Variants in EPHB4 observed in about 807,000 individuals in gnomAD.
The protein encoded by EPHB4 is EPH receptor B4.
EPHB4 carries 50 observed loss-of-function variants against 110.6 expected under a neutral mutation model. The ratio of observed to expected loss-of-function variants is 0.45; its 90% CI spans 0.36 to 0.57. The LOEUF (loss-of-function observed/expected upper bound fraction) is 0.57, where lower values mean the gene tolerates loss of function less well. Ranked by LOEUF, EPHB4 falls within the 20% of genes least tolerant of loss-of-function variation. EPHB4 has a pLI of 0.00. For missense variants in EPHB4, 1,128 were observed against 1,382.1 expected (o/e 0.82, Z 2.91); for synonymous variants, 592 against 578.4 (o/e 1.02, Z -0.34).
intron 12 of EPHB4, among the ~76,000 whole-genome samples, chr7:100,809,311 T>C (rs1204714350): frequency 6.6e-6 from 1 of 152,096 alleles, no homozygotes; most frequent in Non-Finnish European, 1.5e-5. Flanking sequence ...TTCACCATGT[T>C]GGCCAGGCTG....
intron 1 of EPHB4, 191 bp from the exon 2 acceptor site, chr7:100,824,464 A>C: frequency 1.7e-6 from 1 of 591,412 alleles, no homozygotes; most frequent in Non-Finnish European, 3.0e-6. Context: ...TGCCAACCCC[A>C]CCCCCAACAT....
chr7:100,827,052 G>A lies in EPHB4; in HGVS notation c.-22C>T, dbSNP rs1452911221. On this transcript the variant is annotated 5_prime_UTR_variant, in exon 1 of 17. Transcript: ENST00000358173. The stretch of plus-strand genomic sequence containing the variant: ...CCATGGCGCCGCCTCACTCGGGTAG[G>A]ATCCGAACTGAGTTTGGGGGGCCCT... 1.3e-6 allele frequency: 2 copies of A among 1,569,726 alleles called. No homozygotes were observed. Among genetic ancestry groups the A allele is most frequent in the Non-Finnish European group, 8.6e-7 (1 of 1,157,790 alleles).
intron 14 of EPHB4, 118 bp downstream of exon 14, chr7:100,806,302 G>T: frequency 1.6e-6 from 2 of 1,246,252 alleles, no homozygotes; most frequent in Admixed American, 2.7e-5. Context: ...TCTCCTTTTT[G>T]TCATCTCCAT....
At chr7:100,823,380 C>G (rs1409969583) in intron 3 of EPHB4, among the ~76,000 whole-genome samples, 1 of 152,136 alleles carries the variant, frequency 6.6e-6, no homozygotes, top group Non-Finnish European at 1.5e-5. Context: ...GTGGCTGGAG[C>G]ACAGTGGGGT....
At chr7:100,807,648 C>CTTT in intron 12 of EPHB4, 68 bp from the exon 13 acceptor site, 3 of 1,210,052 alleles carry the variant, frequency 2.5e-6, no homozygotes, top group Non-Finnish European at 2.2e-6. Flanking sequence ...CCATCCACAT[C>CTTT]TTTTTTTTTT....
intron 1 of EPHB4, chr7:100,824,760 T>A (rs1234595711): frequency 6.2e-6 from 1 of 162,290 alleles, no homozygotes; most frequent in African/African-American, 2.4e-5. Flanking sequence ...ACCCCGTCCT[T>A]CCCTCCTTGA....
rs1395721938 is a variant in EPHB4 at position 100,823,912 on chromosome 7, A to G, written c.143T>C (p.Leu48Pro). Residue 48 changes from leucine (L) to proline (P), a missense_variant, in exon 3 of 17, where the codon CTG (leucine) becomes CCG (proline). Physicochemically the swap from Leu to Pro is moderately conservative, Grantham distance 98. Coordinates refer to ENST00000358173, the MANE Select transcript of EPHB4 (RefSeq NM_004444.5). The part of the protein sequence containing the change: ...VDGQWEELSG[L>P]DEEQHSVRTY... The stretch of plus-strand genomic sequence containing the variant: ...GCGCACGCTGTGCTGTTCCTCATCC[A>G]GGCCGCTCAGTTCCTCCCACTGTGC... 1.3e-6 allele frequency: 2 copies of G among 1,593,736 alleles called. No individual in the cohort carries two copies. The highest frequency in any genetic ancestry group is 2.7e-5 in the African/African-American group (2 of 74,582).
intron 4 of EPHB4, among the ~76,000 whole-genome samples, chr7:100,820,677 CA>C (rs1435714646): frequency 6.6e-6 from 1 of 152,074 alleles, no homozygotes; most frequent in Non-Finnish European, 1.5e-5. Context: ...AAGCACTCCA[CA>C]AAATACATAG....
At chr7:100,805,120 G>A in intron 16 of EPHB4, 46 bp downstream of exon 16, 1 of 1,588,240 alleles carries the variant, frequency 6.3e-7, no homozygotes, top group South Asian at 1.1e-5. Flanking sequence ...CCTGACTCCA[G>A]CTGCCCCGCT....
chr7:100,820,634 C>A (rs540614716), intron 4 of EPHB4, among the ~76,000 whole-genome samples: 1 of 152,106 alleles, frequency 6.6e-6, no homozygotes, highest in South Asian at 2.1e-4. Context: ...GTGAAGCCCA[C>A]AGAAAGACCT....
chr7:100,818,389 C>T lies in EPHB4; in HGVS notation c.1422+131G>A, dbSNP rs151166752. Reference sequence around the variant, plus strand: ...AGGCTCAGACAGGCCAAGGGGCTTACCCAAGGCTGCCCAGGGAATCCATGG... The same window carrying T: ...AGGCTCAGACAGGCCAAGGGGCTTATCCAAGGCTGCCCAGGGAATCCATGG... On this transcript the variant is annotated intron_variant, in intron 7 of 16. Coordinates refer to ENST00000358173, the MANE Select transcript of EPHB4 (RefSeq NM_004444.5). 10 of 1,422,728 alleles carry T rather than the reference C, an allele frequency of 7.0e-6. 1 individual carries two copies. The African/African-American group carries it at 1.4e-4, about 20-fold the overall frequency. The allele number at this position is 1,422,728 out of a possible 1,614,324, so 88.1% of individuals were successfully genotyped here.
Position 100,827,071 on chromosome 7 carries a change from G to C in EPHB4, c.-41C>G. ...GGGTAGGATCCGAACTGAGTTTGGG[G>C]GGCCCTCGCCCCCCCAGGTCTGACT... On this transcript the variant is annotated 5_prime_UTR_variant, in exon 1 of 17. Transcript: ENST00000358173. 6.4e-7 allele frequency: 1 copy of C among 1,554,488 alleles called. No homozygotes were observed.
rs1443981432 is a variant in EPHB4 at position 100,819,855 on chromosome 7, GC to G, written c.998del (p.Arg333ProfsTer2). 6.4e-7 allele frequency: 1 copy of G among 1,551,744 alleles called. No individual in the cohort carries two copies. Among genetic ancestry groups the G allele is most frequent in the East Asian group, 2.4e-5 (1 of 41,044 alleles). ...CCAGGTGCAGGGAGGAGCCGTTCAG[GC>G]GGGAAACCACGCTCCGCGGAGCCGA... ...PPSAPRSVVS[R>X]LNGSSLHLEW... On this transcript the variant is annotated frameshift_variant, in exon 6 of 17. Coordinates refer to ENST00000358173, the MANE Select transcript of EPHB4 (RefSeq NM_004444.5). LOFTEE classifies it high-confidence loss of function.
intron 1 of EPHB4, chr7:100,825,456 C>T (rs59735023): frequency 0.12 from 17,656 of 152,304 alleles, 1,351 homozygotes; most frequent in African/African-American, 0.22. Context: ...GTCCGCAGCC[C>T]AGAGCAAGCG....
chr7:100,824,350 A>G, intron 1 of EPHB4, 77 bp from the exon 2 acceptor site: 5 of 1,483,112 alleles, frequency 3.4e-6, no homozygotes, highest in Non-Finnish European at 4.7e-6. Flanking sequence ...CTGGGAACCG[A>G]GGCAGGTGGA....
At chr7:100,823,338 C>G (rs1813287336) in intron 3 of EPHB4, among the ~76,000 whole-genome samples, 1 of 152,226 alleles carries the variant, frequency 6.6e-6, no homozygotes, top group Non-Finnish European at 1.5e-5. Flanking sequence ...GGAAACCAGC[C>G]AGGTGCAGTC....
chr7:100,817,082 CAAAAA>C (rs35304729), intron 8 of EPHB4, 105 bp downstream of exon 8: 14,992 of 779,222 alleles, frequency 0.019, 14 homozygotes, highest in East Asian at 0.034. Context: ...GACTCCATCT[CAAAAA>C]AAAAAAAAAA....
At chr7:100,823,412 G>A (rs188059053) in intron 3 of EPHB4, among the ~76,000 whole-genome samples, 17 of 149,634 alleles carry the variant, frequency 1.1e-4, no homozygotes, top group African/African-American at 3.8e-4. Flanking sequence ...GGTGACTGGA[G>A]GAGAAGCCTG....
chr7:100,805,456 G>A, intron 15 of EPHB4, 45 bp downstream of exon 15: 2 of 1,537,040 alleles, frequency 1.3e-6, no homozygotes, highest in South Asian at 1.3e-5. Flanking sequence ...GGCAAGGAGT[G>A]GGGGCAGAGA....
Sources: gnomAD v4.1 joint callset for allele counts (sites outside exome capture counted in the v4.1 genomes callset) on GRCh38, gnomAD v4.1.1 for gene constraint, MANE v1.5 for transcripts, NCBI Gene and HGNC (gene_info 2026-07-23, HGNC 2026-07-21) for gene names.